The following FAT3 variants were observed in gnomAD, a reference collection of about 807,000 sequenced individuals.
FAT3 encodes FAT atypical cadherin 3.
In FAT3, 95 loss-of-function variants were observed where a neutral mutation model predicts 310.2. That is an observed-to-expected ratio of 0.31 (90% CI 0.26 to 0.36). The LOEUF (loss-of-function observed/expected upper bound fraction) is 0.36, where lower values mean the gene tolerates loss of function less well. Among genes scored for constraint, FAT3 ranks in the 10% least tolerant of loss-of-function variants. The pLI is 1.00. For synonymous variants in FAT3, 2,314 were observed against 2,192.9 expected (o/e 1.06, Z -1.54); for missense variants, 5,408 against 5,715.6 (o/e 0.95, Z 1.74).
At chr11:92,372,255 A>C (rs1211712335) in intron 2 of FAT3, among the ~76,000 whole-genome samples, 1 of 151,952 alleles carries the variant, frequency 6.6e-6, no homozygotes, top group Non-Finnish European at 1.5e-5. Flanking sequence ...TCTTTTATCA[A>C]TGAGTACTGG....
chr11:92,381,694 TA>T (rs1370230449), intron 2 of FAT3, among the ~76,000 whole-genome samples: 2 of 152,212 alleles, frequency 1.3e-5, no homozygotes, highest in Non-Finnish European at 2.9e-5. Flanking sequence ...AAAATATAAT[TA>T]TTCAATTAAC....
chr11:92,709,670 A>G (rs1944461392), intron 4 of FAT3, among the ~76,000 whole-genome samples: 1 of 152,228 alleles, frequency 6.6e-6, no homozygotes, highest in Admixed American at 6.5e-5. Flanking sequence ...CATGCTTTGC[A>G]GGATATAGTG....
chr11:92,578,521 C>G (rs185186327), intron 3 of FAT3, among the ~76,000 whole-genome samples: 2 of 152,264 alleles, frequency 1.3e-5, no homozygotes, highest in East Asian at 3.9e-4. Flanking sequence ...CTGTGTACCA[C>G]GTGGGCATTC....
intron 13 of FAT3, among the ~76,000 whole-genome samples, chr11:92,821,797 C>T (rs1947974938): frequency 6.6e-6 from 1 of 152,150 alleles, no homozygotes; most frequent in South Asian, 2.1e-4. Flanking sequence ...GAGCAAAGGG[C>T]TCTGGGCTCC....
At position 92,626,800 on chromosome 11, in the gene FAT3, G is replaced by A. The variant is rs140263393; in HGVS notation, c.3608-70584G>A. Among the ~76,000 whole-genome samples, 432 of 152,256 alleles carry A rather than the reference G, an allele frequency of 2.8e-3. 2 individuals carry two copies. The highest frequency in any genetic ancestry group is 9.5e-3 in the African/African-American group (396 of 41,538). On this transcript the variant is annotated intron_variant, in intron 3 of 27. Transcript: ENST00000525166. ...AGGGCTGTCAGGGCAGATATCCTCC[G>A]CTCCATTGGATCTGCCAGCTATTAA...
chr11:92,667,872 C>T (rs1943007081), intron 3 of FAT3, among the ~76,000 whole-genome samples: 1 of 152,180 alleles, frequency 6.6e-6, no homozygotes, highest in South Asian at 2.1e-4. Flanking sequence ...ATGTCAGACT[C>T]TCATATAAAA....
At chr11:92,735,160 C>T (rs1945304481) in intron 4 of FAT3, among the ~76,000 whole-genome samples, 1 of 152,070 alleles carries the variant, frequency 6.6e-6, no homozygotes, top group Admixed American at 6.6e-5. Flanking sequence ...TGCTGAATGA[C>T]AAGCCTGATT....
Position 92,353,091 on chromosome 11 carries a change from A to G in FAT3, c.979A>G (p.Lys327Glu). The G allele has an allele frequency of 6.2e-7, 1 of 1,613,730 alleles. No homozygotes were observed. Among genetic ancestry groups the G allele is most frequent in the Non-Finnish European group, 8.5e-7 (1 of 1,179,862 alleles). The change falls in exon 2 of 28, where the codon AAG (lysine) becomes GAG (glutamate). Residue 327 changes from lysine (K) to glutamate (E), a missense_variant. This residue lies in a region of FAT3 where 4,588 missense variants were observed against 4,809.8 expected (regional missense o/e 0.95). Transcript: ENST00000525166. Reference protein sequence around the residue: ...EGKWLNEYKIKERKQIDWESF... With the variant: ...EGKWLNEYKIEERKQIDWESF... The stretch of plus-strand genomic sequence containing the variant: ...AAAGTGGTTGAATGAGTACAAGATT[A>G]AGGAGAGGAAGCAGATTGACTGGGA...
chr11:92,687,695 G>T (rs1040539508), intron 3 of FAT3, among the ~76,000 whole-genome samples: 8 of 152,080 alleles, frequency 5.3e-5, no homozygotes, highest in African/African-American at 1.9e-4. Flanking sequence ...TTTTTGTGGG[G>T]AAGAGAAAGC....
intron 1 of FAT3, among the ~76,000 whole-genome samples, chr11:92,292,838 CA>C (rs1421161862): frequency 6.6e-6 from 1 of 152,000 alleles, no homozygotes; most frequent in Non-Finnish European, 1.5e-5. Flanking sequence ...TGGGACATCC[CA>C]AACACTTCTG....
intron 22 of FAT3, among the ~76,000 whole-genome samples, chr11:92,872,896 C>T (rs1000082896): frequency 3.9e-5 from 6 of 152,194 alleles, no homozygotes; most frequent in Non-Finnish European, 5.9e-5. Context: ...CTCATCCTCA[C>T]TCATAATTAG....
intron 3 of FAT3, among the ~76,000 whole-genome samples, chr11:92,552,905 G>A (rs545450029): frequency 7.9e-5 from 12 of 151,236 alleles, no homozygotes; most frequent in African/African-American, 1.9e-4. Context: ...AGCCGAGATC[G>A]TGCCACTGCA....
chr11:92,432,087 G>T (rs1950797111), intron 2 of FAT3, among the ~76,000 whole-genome samples: 1 of 151,918 alleles, frequency 6.6e-6, no homozygotes, highest in Non-Finnish European at 1.5e-5. Context: ...ATTACCTTGG[G>T]CAGTATGGCC....
At chr11:92,749,258 C>G (rs1008631035) in intron 4 of FAT3, among the ~76,000 whole-genome samples, 6 of 152,064 alleles carry the variant, frequency 3.9e-5, no homozygotes, top group African/African-American at 1.4e-4. Flanking sequence ...ATTAAAACTT[C>G]TGCAATATCG....
In FAT3 at chr11:92,527,260, C is replaced by T. The variant is rs956031328; in HGVS notation, c.3607+2312C>T. 3.9e-5 allele frequency among the ~76,000 whole-genome samples: 6 copies of T among 152,248 alleles called. No homozygotes were observed. In the East Asian group the frequency reaches 9.7e-4, roughly 25 times the overall value. ...AGTTTTCACCAGCTTCATGAACTTA[C>T]CAGCTTCATGACCTTGGGGAAATTA... On this transcript the variant is annotated intron_variant, in intron 3 of 27. Transcript: ENST00000525166.
intron 4 of FAT3, 83 bp downstream of exon 4, chr11:92,697,528 A>G (rs559947043): frequency 2.3e-6 from 3 of 1,285,294 alleles, no homozygotes; most frequent in East Asian, 2.3e-5. Flanking sequence ...TACACCTTCA[A>G]TATATTTGAA....
intron 4 of FAT3, among the ~76,000 whole-genome samples, chr11:92,727,253 C>T (rs985725569): frequency 2.0e-5 from 3 of 151,972 alleles, no homozygotes; most frequent in African/African-American, 7.3e-5. Context: ...CCTCAGAGAA[C>T]AAGCTGGATA....
At chr11:92,439,030 G>A (rs1212948605) in intron 2 of FAT3, among the ~76,000 whole-genome samples, 1 of 152,190 alleles carries the variant, frequency 6.6e-6, no homozygotes, top group Non-Finnish European at 1.5e-5. Flanking sequence ...AAAACATACA[G>A]GCAGAAATTC....
intron 6 of FAT3, among the ~76,000 whole-genome samples, chr11:92,767,447 A>T (rs1483332652): frequency 6.6e-6 from 1 of 151,922 alleles, no homozygotes; most frequent in Non-Finnish European, 1.5e-5. Context: ...GGCATGATCC[A>T]TGCACTCAAC....
Sources: allele counts gnomAD v4.1 joint callset (sites outside exome capture counted in the v4.1 genomes callset), GRCh38; gene constraint gnomAD v4.1.1; regional missense constraint gnomAD v4.1.1; transcripts MANE v1.5; gene names NCBI Gene and HGNC (gene_info 2026-07-23, HGNC 2026-07-21).